Variants in LINGO2 observed in about 807,000 individuals in gnomAD.
LINGO2 encodes the protein leucine rich repeat and Ig domain containing 2.
LINGO2 carries 14 observed loss-of-function variants against 30.6 expected under a neutral mutation model. The observed-to-expected ratio is 0.46, with a 90% CI of 0.30 to 0.72. The LOEUF is 0.72. Ranked by LOEUF, LINGO2 falls within the 30% of genes least tolerant of loss-of-function variation. LINGO2 has a pLI of 0.07. For missense variants in LINGO2, 729 were observed against 751.7 expected (o/e 0.97, Z 0.35); for synonymous variants, 317 against 288.5 (o/e 1.10, Z -1.00).
the LINGO2 span, among the ~76,000 whole-genome samples, chr9:28,985,844 G>C: frequency 1.3e-5 from 2 of 151,872 alleles, no homozygotes; most frequent in African/African-American, 4.8e-5. Context: ...TTCCTCTGAT[G>C]TGCAGAAGCT....
the LINGO2 span, among the ~76,000 whole-genome samples, chr9:28,729,548 G>A: frequency 1.3e-4 from 19 of 151,938 alleles, no homozygotes; most frequent in African/African-American, 4.6e-4. Flanking sequence ...CAAATGTCAA[G>A]AAACATTCCA....
At chr9:28,369,688 A>G (rs916091151) in intron 3 of LINGO2, among the ~76,000 whole-genome samples, 1 of 152,244 alleles carries the variant, frequency 6.6e-6, no homozygotes, top group African/African-American at 2.4e-5. Context: ...AGTGAGATAC[A>G]TATGTAGCAA....
the LINGO2 span, among the ~76,000 whole-genome samples, chr9:28,767,979 G>T: frequency 6.6e-6 from 1 of 152,010 alleles, no homozygotes; most frequent in Non-Finnish European, 1.5e-5. Context: ...CCTCTCCTTT[G>T]GTGGCGTTAT....
the LINGO2 span, among the ~76,000 whole-genome samples, chr9:28,929,513 A>G: frequency 0.74 from 112,545 of 152,002 alleles, 41,819 homozygotes; most frequent in Non-Finnish European, 0.78. Flanking sequence ...CAGAAAATGG[A>G]CAAGGAACTG....
chr9:28,081,328 C>T (rs1038107955), intron 4 of LINGO2, among the ~76,000 whole-genome samples: 2 of 150,712 alleles, frequency 1.3e-5, no homozygotes, highest in African/African-American at 2.4e-5. Context: ...ACATTTTATT[C>T]ACATCTATCT....
chr9:28,829,660 G>T, the LINGO2 span, among the ~76,000 whole-genome samples: 1 of 152,126 alleles, frequency 6.6e-6, no homozygotes, highest in Non-Finnish European at 1.5e-5. Flanking sequence ...GGCCGAGGTG[G>T]GCAGATTACC....
Position 28,148,794 on chromosome 9 carries a change from C to T in LINGO2, c.-86-136389G>A, listed in dbSNP as rs1827893319. 1 of 1,533,948 alleles carries T rather than the reference C, an allele frequency of 6.5e-7. No individual in the cohort carries two copies. The highest frequency in any genetic ancestry group is 1.2e-5 in the South Asian group (1 of 83,968). On this transcript the variant is annotated intron_variant, in intron 4 of 5. Coordinates refer to ENST00000379992, the Ensembl canonical transcript of LINGO2. This position sits in a 1 kb window ranked among gnomAD's most constrained non-coding sequence, Gnocchi z 5.1. ...CTCCCTGCCCCAGTTCCAGGCTGCT[C>T]CCTGTGGCCAGAGAAGGCGGCCTTG...
the LINGO2 span, among the ~76,000 whole-genome samples, chr9:28,824,203 T>C: frequency 6.6e-6 from 1 of 152,070 alleles, no homozygotes; most frequent in Non-Finnish European, 1.5e-5. Context: ...TCTGGGAATA[T>C]AGGGGGAGAA....
the LINGO2 span, among the ~76,000 whole-genome samples, chr9:28,876,511 T>C: frequency 6.6e-6 from 1 of 152,186 alleles, no homozygotes; most frequent in African/African-American, 2.4e-5. Context: ...TTTGGTTTTT[T>C]GTCCTTGCTA....
At chr9:28,080,813 T>A (rs1356461163) in intron 4 of LINGO2, 1 of 152,182 alleles carries the variant, frequency 6.6e-6, no homozygotes, top group Non-Finnish European at 1.5e-5. Context: ...CTAAAAAGAA[T>A]GTACTCTTAC....
At chr9:28,069,313 C>T (rs1332851295) in intron 4 of LINGO2, among the ~76,000 whole-genome samples, 2 of 152,066 alleles carry the variant, frequency 1.3e-5, no homozygotes, top group Admixed American at 6.6e-5. Flanking sequence ...GGCATATAGT[C>T]AGTGCTCATT....
the LINGO2 span, among the ~76,000 whole-genome samples, chr9:28,838,424 A>C: frequency 6.6e-6 from 1 of 152,192 alleles, no homozygotes; most frequent in Non-Finnish European, 1.5e-5. Context: ...TCTCAGTTTT[A>C]ACTTTGAATA....
At chr9:28,639,818 A>G (rs1037563337) in intron 1 of LINGO2, among the ~76,000 whole-genome samples, 13 of 152,126 alleles carry the variant, frequency 8.5e-5, no homozygotes, top group African/African-American at 2.9e-4. Context: ...TAGCCTATTT[A>G]CATTTAAGGT....
the LINGO2 span, among the ~76,000 whole-genome samples, chr9:28,963,002 T>C: frequency 1.3e-5 from 2 of 151,990 alleles, no homozygotes; most frequent in Admixed American, 6.6e-5. Flanking sequence ...TCCATGTTAA[T>C]AATATTTTGC....
the LINGO2 span, among the ~76,000 whole-genome samples, chr9:28,777,972 G>A: frequency 6.6e-6 from 1 of 152,064 alleles, no homozygotes; most frequent in Non-Finnish European, 1.5e-5. Context: ...AATGAATGTC[G>A]AGTTTTGATG....
At chr9:28,477,156 T>A (rs1479376963) in intron 1 of LINGO2, among the ~76,000 whole-genome samples, 3 of 152,338 alleles carry the variant, frequency 2.0e-5, no homozygotes, top group East Asian at 3.9e-4. Context: ...ATCACTTTCC[T>A]TAAACTTCAT....
chr9:28,688,558 T>C, the LINGO2 span, among the ~76,000 whole-genome samples: 1 of 152,152 alleles, frequency 6.6e-6, no homozygotes, highest in African/African-American at 2.4e-5. Context: ...CTAAGGGAAA[T>C]TGCCCGAGGA....
At chr9:28,607,302 G>A (rs542351183) in intron 1 of LINGO2, among the ~76,000 whole-genome samples, 1 of 152,124 alleles carries the variant, frequency 6.6e-6, no homozygotes, top group Admixed American at 6.6e-5. Flanking sequence ...AAAGGGAATT[G>A]TACAATGTGG....
At chr9:29,203,365 A>G in the LINGO2 span, among the ~76,000 whole-genome samples, 1 of 152,184 alleles carries the variant, frequency 6.6e-6, no homozygotes. Context: ...TTTTGCAAGG[A>G]ATGTATCTAA....
Sources: gnomAD v4.1 joint callset for allele counts (sites outside exome capture counted in the v4.1 genomes callset) on GRCh38, gnomAD v4.1.1 for gene constraint, Gnocchi (gnomAD v3.1) non-coding constraint, MANE v1.5 for transcripts, NCBI Gene and HGNC (gene_info 2026-07-23, HGNC 2026-07-21) for gene names.